Variants in CIROZ observed in about 807,000 individuals in gnomAD.
CIROZ encodes ciliated left-right organizer protein containing ZP-N domains.
the CIROZ span, chr1:10,949,652 A>G: frequency 1.2e-6 from 2 of 1,606,882 alleles, no homozygotes; most frequent in Non-Finnish European, 1.7e-6. Flanking sequence ...AGGCCGGTGC[A>G]GGAGGTCCCG....
chr1:10,959,152 C>T, the CIROZ span, among the ~76,000 whole-genome samples: 1 of 152,150 alleles, frequency 6.6e-6, no homozygotes, highest in Non-Finnish European at 1.5e-5. The surrounding 1 kb of genome is among the most constrained non-coding windows in gnomAD (Gnocchi z 4.3). Flanking sequence ...CACTTTGGAT[C>T]CAACTAGCAG....
At chr1:10,962,592 A>G in the CIROZ span, among the ~76,000 whole-genome samples, 4 of 152,202 alleles carry the variant, frequency 2.6e-5, no homozygotes, top group African/African-American at 7.2e-5. Flanking sequence ...GTAGGGGGCC[A>G]GGACTGTAGG....
At chr1:10,956,609 AG>A in the CIROZ span, among the ~76,000 whole-genome samples, 2 of 151,412 alleles carry the variant, frequency 1.3e-5, no homozygotes, top group African/African-American at 4.9e-5. Context: ...CTGAGTAGCT[AG>A]GACTACAGGC....
chr1:10,968,083 C>T, the CIROZ span, among the ~76,000 whole-genome samples: 4 of 152,152 alleles, frequency 2.6e-5, no homozygotes, highest in South Asian at 2.1e-4. Context: ...CGCTTAAACC[C>T]GTGGGGCAGA....
chr1:10,978,041 C>T, the CIROZ span, among the ~76,000 whole-genome samples: 6 of 151,832 alleles, frequency 4.0e-5, no homozygotes, highest in Admixed American at 1.3e-4. Context: ...TGATGGCACA[C>T]GCATGTAATC....
chr1:10,977,511 G>A, the CIROZ span, among the ~76,000 whole-genome samples: 10 of 152,130 alleles, frequency 6.6e-5, no homozygotes, highest in South Asian at 1.7e-3. Context: ...ATAAAATGAT[G>A]AATCTGTATT....
the CIROZ span, chr1:10,976,205 G>A: frequency 6.5e-7 from 1 of 1,536,756 alleles, no homozygotes; most frequent in Non-Finnish European, 8.7e-7. Flanking sequence ...CTGACCTGAA[G>A]GAGAGGCTCC....
chr1:10,956,688 A>G, the CIROZ span, among the ~76,000 whole-genome samples: 2 of 151,978 alleles, frequency 1.3e-5, no homozygotes, highest in Admixed American at 6.6e-5. Flanking sequence ...CGTGTTAGCC[A>G]GGATGGTCTT....
At chr1:10,962,257 C>G in the CIROZ span, among the ~76,000 whole-genome samples, 2 of 151,966 alleles carry the variant, frequency 1.3e-5, no homozygotes, top group African/African-American at 4.8e-5. Context: ...ACCAGCCTGG[C>G]CAACATGAGG....
chr1:10,974,759 C>T, the CIROZ span, among the ~76,000 whole-genome samples: 12 of 152,278 alleles, frequency 7.9e-5, no homozygotes, highest in East Asian at 2.1e-3. This position sits in a 1 kb window ranked among gnomAD's most constrained non-coding sequence, Gnocchi z 4.4. Flanking sequence ...TCCTGTACTG[C>T]ACCCCGTACA....
At chr1:10,955,059 G>A in the CIROZ span, 15 of 1,613,894 alleles carry the variant, frequency 9.3e-6, no homozygotes, top group Non-Finnish European at 1.2e-5. Flanking sequence ...TCACCATAAA[G>A]ATGTTGGACT....
the CIROZ span, chr1:10,953,902 G>A: frequency 5.9e-5 from 83 of 1,412,914 alleles, 2 homozygotes; most frequent in African/African-American, 1.0e-3. Context: ...TGTGGGATCT[G>A]TCGGGTCCAG....
the CIROZ span, chr1:10,969,895 A>G: frequency 1.4e-6 from 2 of 1,447,500 alleles, no homozygotes; most frequent in Non-Finnish European, 9.0e-7. Context: ...GCCATGGGGG[A>G]GGAGCATTGC....
At chr1:10,961,170 C>G in the CIROZ span, among the ~76,000 whole-genome samples, 7 of 152,222 alleles carry the variant, frequency 4.6e-5, no homozygotes, top group African/African-American at 1.7e-4. Context: ...CGTGTGAGGA[C>G]AGCAACACCG....
the CIROZ span, among the ~76,000 whole-genome samples, chr1:10,951,745 A>AAAAAAAAAAAAAAATATATATATATAT: frequency 2.5e-5 from 3 of 119,186 alleles, no homozygotes; most frequent in African/African-American, 1.1e-4. Context: ...AAAAAAAAAA[A>AAAAAAAAAAAAAAATATATATATATAT]ATATATATAT....
At chr1:10,954,490 T>A in the CIROZ span, among the ~76,000 whole-genome samples, 5 of 150,304 alleles carry the variant, frequency 3.3e-5, no homozygotes, top group Non-Finnish European at 7.4e-5. Context: ...AAAGAAAAGA[T>A]AAGAAATTAG....
chr1:10,959,758 A>T, the CIROZ span, among the ~76,000 whole-genome samples: 2 of 152,202 alleles, frequency 1.3e-5, no homozygotes, highest in African/African-American at 4.8e-5. The surrounding 1 kb of genome is among the most constrained non-coding windows in gnomAD (Gnocchi z 4.3). Context: ...GCCCGCCACC[A>T]CCATGCAGCC....
chr1:10,950,283 C>A, the CIROZ span, among the ~76,000 whole-genome samples: 8 of 152,086 alleles, frequency 5.3e-5, no homozygotes, highest in Non-Finnish European at 1.0e-4. Context: ...GATCTGCCCG[C>A]CTTGGCCTGT....
At chr1:10,963,690 G>T in the CIROZ span, among the ~76,000 whole-genome samples, 2 of 151,864 alleles carry the variant, frequency 1.3e-5, no homozygotes, top group Non-Finnish European at 2.9e-5. Context: ...TGTAGACATT[G>T]CACCTGATCG....
Sources: allele counts gnomAD v4.1 joint callset (sites outside exome capture counted in the v4.1 genomes callset), GRCh38; gene constraint gnomAD v4.1.1; non-coding constraint Gnocchi (gnomAD v3.1); transcripts MANE v1.5; gene names NCBI Gene and HGNC (gene_info 2026-07-23, HGNC 2026-07-21).